NAV2: variants seen among roughly 807,000 people sequenced by gnomAD.
NAV2 encodes neuron navigator 2.
NAV2 carries 54 observed loss-of-function variants against 223.2 expected under a neutral mutation model. That is an observed-to-expected ratio of 0.24 (90% CI 0.19 to 0.30). NAV2 has a LOEUF of 0.30. Ranked by LOEUF, NAV2 falls within the 10% of genes least tolerant of loss-of-function variation. The pLI is 1.00. For synonymous variants in NAV2, 1,279 were observed against 1,239.3 expected (o/e 1.03, Z -0.67); for missense variants, 2,806 against 3,147.5 (o/e 0.89, Z 2.60).
In NAV2 at chr11:19,933,256, A is replaced by G; in HGVS notation, c.1012A>G (p.Thr338Ala). Reference sequence around the variant, plus strand: ...TTCCTTGGAGAGCGGCAGCAGCTCCACCCCTACTAATTGCAGTACCTCCTC... The same window carrying G: ...TTCCTTGGAGAGCGGCAGCAGCTCCGCCCCTACTAATTGCAGTACCTCCTC... ...PASLESGSSS[T>A]PTNCSTSSAI... Residue 338 changes from threonine (T) to alanine (A), a missense_variant, in exon 7 of 38, where the codon ACC becomes GCC. Thr to Ala is a moderately conservative substitution (Grantham distance 58). This residue lies in a region of NAV2 where 1,167 missense variants were observed against 1,180.5 expected (regional missense o/e 0.99). Transcript: ENST00000349880. This position sits in a 1 kb window ranked among gnomAD's most constrained non-coding sequence, Gnocchi z 4.3. 1 of 1,610,570 alleles carries G rather than the reference A, an allele frequency of 6.2e-7. No individual in the cohort carries two copies. The highest frequency in any genetic ancestry group is 8.5e-7 in the Non-Finnish European group (1 of 1,178,438).
At chr11:19,815,666 G>A (rs1026779729) in intron 1 of NAV2, among the ~76,000 whole-genome samples, 1 of 152,168 alleles carries the variant, frequency 6.6e-6, no homozygotes, top group Admixed American at 6.5e-5. Flanking sequence ...CTGCCTTGTG[G>A]CATAAAGATG....
intron 11 of NAV2, among the ~76,000 whole-genome samples, chr11:19,994,739 T>C (rs1346948297): frequency 6.6e-6 from 1 of 152,158 alleles, no homozygotes; most frequent in African/African-American, 2.4e-5. Flanking sequence ...CACCCAGAGT[T>C]GTAGTGAACC....
chr11:19,760,691 C>T (rs2054664837), intron 1 of NAV2, among the ~76,000 whole-genome samples: 1 of 152,128 alleles, frequency 6.6e-6, no homozygotes, highest in African/African-American at 2.4e-5. Context: ...GAATCTAGTG[C>T]CCTTTCTGAG....
Position 19,761,459 on chromosome 11 carries a change from C to T in NAV2, c.267+47497C>T, listed in dbSNP as rs535468946. Among the ~76,000 whole-genome samples the T allele has an allele frequency of 3.9e-5, 6 of 152,260 alleles. No homozygotes were observed. In the South Asian group the frequency reaches 1.2e-3, roughly 32 times the overall value. On this transcript the variant is annotated intron_variant, in intron 1 of 37. Coordinates refer to ENST00000349880, the MANE Select transcript of NAV2 (RefSeq NM_145117.5). The stretch of plus-strand genomic sequence containing the variant: ...TTTGGATGAGGGGCTCAAGGAAGAC[C>T]ACTCTGAGGCAGCAGCATGAAAACT...
At chr11:19,501,409 G>A (rs1057319912) in intron 1 of NAV2, among the ~76,000 whole-genome samples, 2 of 151,910 alleles carry the variant, frequency 1.3e-5, no homozygotes, top group Admixed American at 6.6e-5. Flanking sequence ...GTTGGCTACC[G>A]ACCTGCCTAC....
At chr11:20,035,818 A>G (rs919541039) in intron 11 of NAV2, 141 bp from the exon 12 acceptor site, 3 of 905,736 alleles carry the variant, frequency 3.3e-6, no homozygotes, top group African/African-American at 1.7e-5. Context: ...GATGAGTCAC[A>G]TCTGAGTCAA....
chr11:19,704,360 G>A (rs2049597967), intron 1 of NAV2, among the ~76,000 whole-genome samples: 1 of 152,150 alleles, frequency 6.6e-6, no homozygotes, highest in South Asian at 2.1e-4. Flanking sequence ...AACCGTATCA[G>A]AAACAGGAAG....
At chr11:19,843,653 A>G (rs948487655) in intron 3 of NAV2, among the ~76,000 whole-genome samples, 9 of 151,784 alleles carry the variant, frequency 5.9e-5, no homozygotes, top group African/African-American at 2.2e-4. Context: ...AAAAAAGTAT[A>G]TTTTCAGAGT....
At chr11:19,514,166 G>A (rs2043366511) in intron 1 of NAV2, among the ~76,000 whole-genome samples, 1 of 152,016 alleles carries the variant, frequency 6.6e-6, no homozygotes, top group African/African-American at 2.4e-5. Context: ...GCAGGCTGGG[G>A]GCTATTCTGC....
rs59112486 is a variant in NAV2, at chr11:19,433,784, G to T, written c.75+82757G>T. Among the ~76,000 whole-genome samples, 577 of 152,268 alleles carry T rather than the reference G, an allele frequency of 3.8e-3. 7 individuals carry two copies. The highest frequency in any genetic ancestry group is 0.013 in the African/African-American group (541 of 41,538). On this transcript the variant is annotated intron_variant, in intron 1 of 37. Transcript: ENST00000360655. ...AAATTGTATTTCCCCCAATTCAAAG[G>T]CAGATCATTGCTTTTCAAAAGATCT... is the stretch of plus-strand genomic sequence containing the variant.
intron 10 of NAV2, among the ~76,000 whole-genome samples, chr11:19,963,579 A>G (rs2048519191): frequency 6.6e-6 from 1 of 152,220 alleles, no homozygotes; most frequent in Non-Finnish European, 1.5e-5. Context: ...GGAGTGAGTT[A>G]TGTAGGAACT....
At chr11:19,958,754 C>T (rs1005463884) in intron 10 of NAV2, among the ~76,000 whole-genome samples, 1 of 152,124 alleles carries the variant, frequency 6.6e-6, no homozygotes, top group Non-Finnish European at 1.5e-5. Flanking sequence ...GTGAGCTGGG[C>T]CTCACAGGAT....
intron 1 of NAV2, among the ~76,000 whole-genome samples, chr11:19,590,302 A>G (rs1033290430): frequency 2.0e-5 from 3 of 152,128 alleles, no homozygotes; most frequent in African/African-American, 7.2e-5. Context: ...TAAACCTTAA[A>G]CCTTGGAATC....
chr11:19,557,835 G>C (rs1270654382), intron 1 of NAV2, among the ~76,000 whole-genome samples: 1 of 152,184 alleles, frequency 6.6e-6, no homozygotes, highest in South Asian at 2.1e-4. Context: ...GTGTCCAAAC[G>C]GAAGGCTTGG....
rs140492195 is a variant in NAV2, at chr11:19,614,509, AT to A, written c.76-217974del. Among the ~76,000 whole-genome samples the A allele has an allele frequency of 2.0e-3, 303 of 152,334 alleles. 1 individual carries two copies. The highest frequency in any genetic ancestry group is 7.0e-3 in the African/African-American group (293 of 41,570). The stretch of plus-strand genomic sequence containing the variant: ...TCCCATGTAGCCCCTGGCCCTGCAC[AT>A]ATAGCATCCTCTGCTATCAATATCG... On this transcript the variant is annotated intron_variant, in intron 1 of 37. Coordinates refer to the NAV2 transcript ENST00000360655.
intron 1 of NAV2, among the ~76,000 whole-genome samples, chr11:19,382,184 G>A (rs758980597): frequency 3.5e-4 from 53 of 152,358 alleles, no homozygotes; most frequent in Middle Eastern, 6.8e-3. Context: ...GCCTGAGGGG[G>A]AAGGGCGCAG....
Position 19,556,857 on chromosome 11 carries a change from G to A in NAV2, c.75+205830G>A, listed in dbSNP as rs116263505. Among the ~76,000 whole-genome samples, 577 of 152,256 alleles carry A rather than the reference G, an allele frequency of 3.8e-3. 7 individuals are homozygous for A. Among genetic ancestry groups the A allele is most frequent in the African/African-American group, 0.013 (553 of 41,538 alleles). On this transcript the variant is annotated intron_variant, in intron 1 of 37. Transcript: ENST00000360655. ...AAAATTCATAATAAATGACCATGCT[G>A]TATTTTGGTTAGATCATGAAATAAA...
At chr11:19,489,545 G>A (rs938809433) in intron 1 of NAV2, among the ~76,000 whole-genome samples, 1 of 152,142 alleles carries the variant, frequency 6.6e-6, no homozygotes, top group Non-Finnish European at 1.5e-5. Context: ...CACAGTCTCT[G>A]ACTTACAGGA....
At chr11:19,844,657 A>G (rs935491292) in intron 3 of NAV2, among the ~76,000 whole-genome samples, 1 of 152,222 alleles carries the variant, frequency 6.6e-6, no homozygotes, top group East Asian at 1.9e-4. Flanking sequence ...TCAACCTGTA[A>G]TATTGTCATT....
Sources: allele counts gnomAD v4.1 joint callset (sites outside exome capture counted in the v4.1 genomes callset), GRCh38; gene constraint gnomAD v4.1.1; regional missense constraint gnomAD v4.1.1; non-coding constraint Gnocchi (gnomAD v3.1); transcripts MANE v1.5; gene names NCBI Gene and HGNC (gene_info 2026-07-23, HGNC 2026-07-21).